FUT8: variants seen among roughly 807,000 people sequenced by gnomAD.
FUT8 encodes alpha-(1,6)-fucosyltransferase.
In FUT8, 29 loss-of-function variants were observed where a neutral mutation model predicts 71.3. The observed-to-expected ratio is 0.41, with a 90% CI of 0.30 to 0.55. The LOEUF is 0.55. Among genes scored for constraint, FUT8 ranks in the 20% least tolerant of loss-of-function variants. The probability of loss-of-function intolerance (pLI) is 0.34; values close to 1 mark genes in which losing one functional copy is unlikely to be tolerated. For synonymous variants in FUT8, 254 were observed against 239.3 expected, an observed-to-expected ratio of 1.06 and a Z score of -0.57; for missense variants, 544 against 702.1, an observed-to-expected ratio of 0.77 and a Z score of 2.55.
intron 7 of FUT8, among the ~76,000 whole-genome samples, chr14:65,688,567 C>T (rs1002213831): frequency 7.4e-6 from 1 of 134,702 alleles, no homozygotes; most frequent in African/African-American, 2.8e-5. Flanking sequence ...TGGGATTAGA[C>T]ACTGACCTTA....
At chr14:65,450,100 C>CT (rs1479865541) in intron 1 of FUT8, among the ~76,000 whole-genome samples, 3 of 151,974 alleles carry the variant, frequency 2.0e-5, no homozygotes, top group Non-Finnish European at 2.9e-5. Context: ...GTGTGGTTTC[C>CT]TTTTTTAGAA....
intron 7 of FUT8, among the ~76,000 whole-genome samples, chr14:65,717,919 CT>C (rs749364690): frequency 3.9e-5 from 6 of 152,144 alleles, no homozygotes; most frequent in Non-Finnish European, 8.8e-5. Context: ...CATGAAATAT[CT>C]TTTTCCATCC....
chr14:65,635,182 ATGTTAATGT>A (rs1213201758), intron 6 of FUT8, among the ~76,000 whole-genome samples: 1 of 152,108 alleles, frequency 6.6e-6, no homozygotes, highest in Non-Finnish European at 1.5e-5. Flanking sequence ...TGATTTGTGT[ATGTTAATGT>A]TGTTTCCGTA....
At chr14:65,395,390 C>G in the FUT8 span, among the ~76,000 whole-genome samples, 1 of 152,234 alleles carries the variant, frequency 6.6e-6, no homozygotes, top group African/African-American at 2.4e-5. Flanking sequence ...ATGTGGGCCC[C>G]TCCCCTGCAG....
intron 7 of FUT8, among the ~76,000 whole-genome samples, chr14:65,689,947 A>C (rs1176819273): frequency 6.6e-6 from 1 of 152,196 alleles, no homozygotes; most frequent in Admixed American, 6.5e-5. Context: ...CAGTCACCTA[A>C]ATAATCTCCT....
At chr14:65,691,995 C>CT (rs1432866320) in intron 7 of FUT8, among the ~76,000 whole-genome samples, 1 of 151,942 alleles carries the variant, frequency 6.6e-6, no homozygotes, top group Non-Finnish European at 1.5e-5. Context: ...TCTCCCATGT[C>CT]TACTTCTTTC....
intron 1 of FUT8, among the ~76,000 whole-genome samples, chr14:65,451,994 T>A (rs2065834431): frequency 6.6e-6 from 1 of 152,190 alleles, no homozygotes; most frequent in Non-Finnish European, 1.5e-5. Context: ...AGGGTGAGGT[T>A]ATGCTGGGGA....
intron 6 of FUT8, among the ~76,000 whole-genome samples, chr14:65,632,679 T>C (rs925462660): frequency 6.6e-6 from 1 of 152,220 alleles, no homozygotes; most frequent in Non-Finnish European, 1.5e-5. Context: ...GTGTTTACTC[T>C]GCTGACTGTT....
At chr14:65,587,224 A>C (rs1331171591) in intron 3 of FUT8, among the ~76,000 whole-genome samples, 1 of 152,060 alleles carries the variant, frequency 6.6e-6, no homozygotes, top group South Asian at 2.1e-4. Context: ...AATTTTTACA[A>C]AAATAGGAAA....
Position 65,627,826 on chromosome 14 carries a change from TC to T in FUT8, c.483-1663del, listed in dbSNP as rs1382959291. 2.0e-5 allele frequency among the ~76,000 whole-genome samples: 3 copies of T among 152,186 alleles called. No homozygotes were observed. The highest frequency in any genetic ancestry group is 4.4e-5 in the Non-Finnish European group (3 of 68,042). On this transcript the variant is annotated intron_variant, in intron 5 of 10. Coordinates refer to ENST00000673929, the MANE Select transcript of FUT8 (RefSeq NM_001371533.1). This position sits in a 1 kb window ranked among gnomAD's most constrained non-coding sequence, Gnocchi z 4.0. ...TTCTATCTATTTAGGAGACTGCCGT[TC>T]CCTGGCACCAGCTGTGACTAGTTAA...
chr14:65,651,670 TAGAA>T lies in FUT8; in HGVS notation c.598-17570_598-17567del, dbSNP rs748577292. ...TACAGTCTTGAAACAAATGAAAAAA[TAGAA>T]AGTGTCACCAAAGTAATAGATGATA... On this transcript the variant is annotated intron_variant, in intron 6 of 10. Transcript: ENST00000673929. 2.0e-5 allele frequency among the ~76,000 whole-genome samples: 3 copies of T among 151,886 alleles called. No homozygotes were observed. In the East Asian group the frequency reaches 5.8e-4, roughly 29 times the overall value.
At chr14:65,720,669 C>T (rs1480357475) in intron 7 of FUT8, among the ~76,000 whole-genome samples, 3 of 152,178 alleles carry the variant, frequency 2.0e-5, no homozygotes, top group Non-Finnish European at 4.4e-5. Flanking sequence ...TCGAACCCAG[C>T]ACAGCACTAA....
chr14:65,597,197 T>C (rs34357872), intron 3 of FUT8, among the ~76,000 whole-genome samples: 60,029 of 142,062 alleles, frequency 0.42, 13,378 homozygotes, highest in Non-Finnish European at 0.52. Context: ...GGTAAGACTC[T>C]TACTAAAGTC....
intron 1 of FUT8, among the ~76,000 whole-genome samples, chr14:65,436,253 G>A (rs2065557032): frequency 6.6e-6 from 1 of 151,932 alleles, no homozygotes; most frequent in South Asian, 2.1e-4. Context: ...AGATCACCCT[G>A]GGCAACATAG....
At chr14:65,577,785 T>A (rs561849212) in intron 3 of FUT8, among the ~76,000 whole-genome samples, 3 of 152,152 alleles carry the variant, frequency 2.0e-5, no homozygotes, top group African/African-American at 7.2e-5. Flanking sequence ...ATTCAATAAA[T>A]GTATTTATTG....
chr14:65,415,439 A>G (rs894160576), intron 1 of FUT8, among the ~76,000 whole-genome samples: 16 of 152,174 alleles, frequency 1.1e-4, no homozygotes, highest in African/African-American at 3.9e-4. Context: ...TCACTTAAAA[A>G]TCTCTAAAAT....
chr14:65,730,692 T>C (rs1835353632), intron 9 of FUT8, among the ~76,000 whole-genome samples: 1 of 152,054 alleles, frequency 6.6e-6, no homozygotes, highest in African/African-American at 2.4e-5. Flanking sequence ...ATTGAGTTCA[T>C]CCACAAGATT....
At position 65,743,487 on chromosome 14, in the gene FUT8, A is replaced by G. The variant is rs1896600427; in HGVS notation, c.*1077A>G. The G allele has an allele frequency of 6.6e-6, 1 of 151,868 alleles. No individual in the cohort carries two copies. The highest frequency in any genetic ancestry group is 6.6e-5 in the Admixed American group (1 of 15,226). The allele number at this position is 151,868 out of a possible 1,614,324, so 9.4% of individuals were successfully genotyped here. ...TAAAACCATTTCAGGTTTGTTTGGT[A>G]GTCTTTCTTAATGTATTTATTATCG... On this transcript the variant is annotated 3_prime_UTR_variant, in exon 11 of 11. Transcript: ENST00000673929.
chr14:65,361,738 C>T, the FUT8 span, among the ~76,000 whole-genome samples: 5 of 151,288 alleles, frequency 3.3e-5, no homozygotes, highest in African/African-American at 4.9e-5. Flanking sequence ...AGTGAGCAGA[C>T]GCTGTGCCAT....
Sources: gnomAD v4.1 joint callset for allele counts (sites outside exome capture counted in the v4.1 genomes callset) on GRCh38, gnomAD v4.1.1 for gene constraint, Gnocchi (gnomAD v3.1) non-coding constraint, MANE v1.5 for transcripts, NCBI Gene and HGNC (gene_info 2026-07-23, HGNC 2026-07-21) for gene names.